The following DOCK7 variants were observed in gnomAD, a reference collection of about 807,000 sequenced individuals.
DOCK7 encodes the protein dedicator of cytokinesis protein 7.
Under a neutral mutation model 271.0 loss-of-function variants are expected in DOCK7, and 138 were observed. The observed-to-expected ratio is 0.51, with a 90% confidence interval of 0.44 to 0.59. The LOEUF (loss-of-function observed/expected upper bound fraction) is 0.59. Among genes scored for constraint, DOCK7 ranks in the 20% least tolerant of loss-of-function variants. DOCK7 has a pLI of 0.00. For missense variants in DOCK7, 2,066 were observed against 2,592.4 expected (o/e 0.80, Z 4.41); for synonymous variants, 823 against 876.1 (o/e 0.94, Z 1.07).
intron 1 of DOCK7, among the ~76,000 whole-genome samples, chr1:62,674,693 G>A (rs990161037): frequency 6.6e-6 from 1 of 152,148 alleles, no homozygotes; most frequent in Admixed American, 6.5e-5. Flanking sequence ...ATGGTGCCAA[G>A]GCAATTCAAT....
At chr1:62,506,981 TAAAA>T (rs1359773916) in intron 35 of DOCK7, among the ~76,000 whole-genome samples, 15 of 150,612 alleles carry the variant, frequency 1.0e-4, no homozygotes, top group African/African-American at 3.7e-4. Flanking sequence ...AATAAATAAA[TAAAA>T]TAGAGTAGAG....
At chr1:62,581,607 C>T (rs933701858) in intron 16 of DOCK7, among the ~76,000 whole-genome samples, 25 of 152,008 alleles carry the variant, frequency 1.6e-4, no homozygotes, top group African/African-American at 6.0e-4. Context: ...AATATTAAAG[C>T]AGTAGCATTT....
At chr1:62,604,809 T>TGAATCTG in intron 14 of DOCK7, 1 of 1,612,800 alleles carries the variant, frequency 6.2e-7, no homozygotes, top group Non-Finnish European at 8.5e-7. Flanking sequence ...TTCAGAAAGC[T>TGAATCTG]TTGAATGAAC....
chr1:62,475,917 C>T lies in DOCK7; in HGVS notation c.5751G>A (p.Glu1917=). 1 of 1,613,858 alleles carries T rather than the reference C, an allele frequency of 6.2e-7. No individual in the cohort carries two copies. Among genetic ancestry groups the T allele is most frequent in the Middle Eastern group, 1.7e-4 (1 of 6,060 alleles). ...TCATCTCATATGTGTCAAAGTATGG[C>T]TCCACATAGGTAATCTGAATATATG... ...NKAYIQITYV[E]PYFDTYEMKD... The change falls in exon 46 of 50, where the codon GAG becomes GAA. Residue 1917 remains glutamate (E), a synonymous_variant. Transcript: ENST00000635253.
intron 14 of DOCK7, among the ~76,000 whole-genome samples, chr1:62,603,540 A>G (rs1468819901): frequency 6.6e-6 from 1 of 151,840 alleles, no homozygotes. Context: ...CATTTGAAGA[A>G]AGTGACATTA....
chr1:62,491,048 T>G (rs1424454425), intron 41 of DOCK7, among the ~76,000 whole-genome samples: 1 of 152,226 alleles, frequency 6.6e-6, no homozygotes, highest in Non-Finnish European at 1.5e-5. Context: ...TACTTAATTC[T>G]AAAAACATTC....
At chr1:62,567,644 T>C (rs1259088900) in intron 18 of DOCK7, among the ~76,000 whole-genome samples, 1 of 152,010 alleles carries the variant, frequency 6.6e-6, no homozygotes. Flanking sequence ...CATGTATATC[T>C]ATGTAACAAA....
rs1334777700 is a variant in DOCK7, at chr1:62,688,208, C to T, written c.38+19G>A. The T allele has an allele frequency of 1.5e-6, 2 of 1,376,468 alleles. No homozygotes were observed. The highest frequency in any genetic ancestry group is 9.5e-7 in the Non-Finnish European group (1 of 1,053,600). 85.3% of individuals were successfully genotyped at this position (1,376,468 alleles called of 1,614,324 possible). ...TTTCTCGGGCGGCGGCGGCGGCGCGCCCCACGCCGGATATTTACCTGCTGA... is the reference window on the plus strand; with the variant it reads ...TTTCTCGGGCGGCGGCGGCGGCGCGTCCCACGCCGGATATTTACCTGCTGA... On this transcript the variant is annotated intron_variant, in intron 1 of 49. Transcript: ENST00000635253.
At chr1:62,659,104 T>C (rs1013016456) in intron 2 of DOCK7, among the ~76,000 whole-genome samples, 8 of 151,842 alleles carry the variant, frequency 5.3e-5, no homozygotes, top group Non-Finnish European at 1.0e-4. Context: ...TATCTGGAAA[T>C]ATAATAAAAG....
intron 39 of DOCK7, chr1:62,494,672 G>GC: frequency 5.9e-6 from 2 of 339,464 alleles, no homozygotes; most frequent in South Asian, 1.5e-4. Context: ...GGTGGGGGGG[G>GC]CAGGAGGGGC....
intron 37 of DOCK7, among the ~76,000 whole-genome samples, chr1:62,503,760 G>A (rs1168028): frequency 0.58 from 87,835 of 151,886 alleles, 26,991 homozygotes; most frequent in East Asian, 0.76. Flanking sequence ...AAACAAAAAG[G>A]CTAGCAGCCA....
At chr1:62,466,076 G>A (rs1645667649) in intron 48 of DOCK7, among the ~76,000 whole-genome samples, 1 of 152,174 alleles carries the variant, frequency 6.6e-6, no homozygotes, top group East Asian at 1.9e-4. Flanking sequence ...GTAAACAGGA[G>A]AGGCAGTTTC....
chr1:62,537,458 C>G (rs1199391799), intron 28 of DOCK7, among the ~76,000 whole-genome samples: 3 of 151,892 alleles, frequency 2.0e-5, no homozygotes, highest in Non-Finnish European at 2.9e-5. Context: ...TAGTGGCGCA[C>G]GTCTGTAGTC....
intron 14 of DOCK7, among the ~76,000 whole-genome samples, chr1:62,589,956 C>T (rs1648194604): frequency 6.6e-6 from 1 of 150,964 alleles, no homozygotes; most frequent in Non-Finnish European, 1.5e-5. Context: ...CTTAAGAAAT[C>T]CCAAGATTCT....
At chr1:62,666,025 G>T (rs535928488) in intron 1 of DOCK7, among the ~76,000 whole-genome samples, 1 of 151,934 alleles carries the variant, frequency 6.6e-6, no homozygotes, top group East Asian at 1.9e-4. Context: ...TTAGCCAGGC[G>T]TGGTGGTGGG....
intron 31 of DOCK7, among the ~76,000 whole-genome samples, chr1:62,517,900 C>A (rs976227425): frequency 7.2e-5 from 11 of 152,182 alleles, no homozygotes; most frequent in South Asian, 4.1e-4. Context: ...AAGGAACATT[C>A]ATAATACCTT....
chr1:62,477,803 C>G lies in DOCK7; in HGVS notation c.5531G>C (p.Arg1844Pro). The change falls in exon 44 of 50, where the codon CGT (arginine) becomes CCT (proline). Residue 1844 changes from arginine to proline, a missense_variant. Arg to Pro is a moderately radical substitution (Grantham distance 103). Coordinates refer to ENST00000635253, the MANE Select transcript of DOCK7 (RefSeq NM_001367561.1). ...GAACTTGGTTCCATAAAAACCAACA[C>G]GAAAATAGGTGCCAAACATCCGCTT... Reference protein sequence around the residue: ...GWERMFGTYFRVGFYGTKFGD... With the variant: ...GWERMFGTYFPVGFYGTKFGD... The G allele has an allele frequency of 6.2e-7, 1 of 1,608,638 alleles. No homozygotes were observed. Among genetic ancestry groups the G allele is most frequent in the Non-Finnish European group, 8.5e-7 (1 of 1,178,228 alleles).
chr1:62,585,781 C>G (rs895175546), intron 15 of DOCK7, among the ~76,000 whole-genome samples: 1 of 152,188 alleles, frequency 6.6e-6, no homozygotes, highest in Admixed American at 6.6e-5. Context: ...CCTCTGAATA[C>G]CTACCTATTC....
intron 1 of DOCK7, 101 bp downstream of exon 1, chr1:62,688,126 C>A (rs1459078531): frequency 5.9e-6 from 7 of 1,186,470 alleles, no homozygotes; most frequent in Non-Finnish European, 7.3e-6. Flanking sequence ...GATCCCGGTG[C>A]CGGCCCCGCC....
Sources: gnomAD v4.1 joint callset for allele counts (sites outside exome capture counted in the v4.1 genomes callset) on GRCh38, gnomAD v4.1.1 for gene constraint, MANE v1.5 for transcripts, NCBI Gene and HGNC (gene_info 2026-07-23, HGNC 2026-07-21) for gene names.